The following LINGO2 variants were observed in gnomAD, a reference collection of about 807,000 sequenced individuals.
LINGO2 encodes leucine rich repeat and Ig domain containing 2.
Under a neutral mutation model 30.6 loss-of-function variants are expected in LINGO2, and 14 were observed. The observed-to-expected ratio is 0.46, with a 90% confidence interval of 0.30 to 0.72. The LOEUF (loss-of-function observed/expected upper bound fraction) is 0.72, where lower values mean the gene tolerates loss of function less well. Among genes scored for constraint, LINGO2 ranks in the 30% least tolerant of loss-of-function variants. The probability of loss-of-function intolerance (pLI) is 0.07; values close to 1 mark genes in which losing one functional copy is unlikely to be tolerated. For synonymous variants in LINGO2, 317 were observed against 288.5 expected (o/e 1.10, Z -1.00); for missense variants, 729 against 751.7 (o/e 0.97, Z 0.35).
At chr9:28,268,330 A>T (rs1391043557) in intron 4 of LINGO2, among the ~76,000 whole-genome samples, 1 of 152,046 alleles carries the variant, frequency 6.6e-6, no homozygotes, top group African/African-American at 2.4e-5. Flanking sequence ...CTGTGATGGT[A>T]TCTGAAGTAA....
intron 5 of LINGO2, among the ~76,000 whole-genome samples, chr9:27,978,256 G>C (rs1465012559): frequency 1.3e-5 from 2 of 152,036 alleles, no homozygotes; most frequent in Non-Finnish European, 2.9e-5. Context: ...GCAATTCAAT[G>C]CAACAGATGT....
At chr9:28,647,164 T>C (rs957958584) in intron 1 of LINGO2, among the ~76,000 whole-genome samples, 1 of 152,112 alleles carries the variant, frequency 6.6e-6, no homozygotes, top group Non-Finnish European at 1.5e-5. Flanking sequence ...CAATTCAGTC[T>C]TTTAATACCT....
At chr9:28,964,577 C>T in the LINGO2 span, among the ~76,000 whole-genome samples, 1 of 151,838 alleles carries the variant, frequency 6.6e-6, no homozygotes, top group Non-Finnish European at 1.5e-5. Context: ...CGACGAGTTA[C>T]AAACAAGGAG....
intron 1 of LINGO2, among the ~76,000 whole-genome samples, chr9:28,531,737 G>A (rs969065502): frequency 5.3e-5 from 8 of 151,842 alleles, no homozygotes; most frequent in African/African-American, 1.7e-4. Flanking sequence ...TAAACAACAC[G>A]GATTTTGCCA....
At chr9:28,538,793 G>A (rs902304427) in intron 1 of LINGO2, among the ~76,000 whole-genome samples, 7 of 152,088 alleles carry the variant, frequency 4.6e-5, no homozygotes, top group Admixed American at 2.6e-4. Context: ...AACACCTCCC[G>A]AAAGTCCCCA....
At chr9:28,197,350 G>A (rs1206949231) in intron 4 of LINGO2, among the ~76,000 whole-genome samples, 1 of 151,520 alleles carries the variant, frequency 6.6e-6, no homozygotes, top group Non-Finnish European at 1.5e-5. Context: ...ATGTTATAAG[G>A]CTAAAATATC....
the LINGO2 span, among the ~76,000 whole-genome samples, chr9:28,819,903 G>C: frequency 6.6e-6 from 1 of 152,068 alleles, no homozygotes; most frequent in Non-Finnish European, 1.5e-5. Context: ...AAGGGGAGGA[G>C]CATACATATA....
At chr9:28,447,267 G>A (rs1177575226) in intron 2 of LINGO2, among the ~76,000 whole-genome samples, 1 of 152,148 alleles carries the variant, frequency 6.6e-6, no homozygotes, top group Non-Finnish European at 1.5e-5. Flanking sequence ...ATTAAGAGGT[G>A]GAGGCTTTAG....
At chr9:28,724,829 C>A in the LINGO2 span, among the ~76,000 whole-genome samples, 1 of 151,972 alleles carries the variant, frequency 6.6e-6, no homozygotes, top group Non-Finnish European at 1.5e-5. Context: ...AGAAATATAA[C>A]CTTTGAAGAG....
At chr9:28,722,616 T>A in the LINGO2 span, among the ~76,000 whole-genome samples, 1 of 152,098 alleles carries the variant, frequency 6.6e-6, no homozygotes, top group Non-Finnish European at 1.5e-5. Flanking sequence ...ACATCAAAGT[T>A]GAATCATGGA....
chr9:28,655,645 T>G (rs1442211892), intron 1 of LINGO2, among the ~76,000 whole-genome samples: 2 of 152,010 alleles, frequency 1.3e-5, no homozygotes, highest in Non-Finnish European at 2.9e-5. Context: ...GATAATTGCA[T>G]CATGGGGGCA....
intron 4 of LINGO2, among the ~76,000 whole-genome samples, chr9:28,138,774 T>C (rs1827592952): frequency 6.6e-6 from 1 of 152,190 alleles, no homozygotes; most frequent in Non-Finnish European, 1.5e-5. Flanking sequence ...CATAGACTAA[T>C]GCATTCATGC....
chr9:28,768,820 T>A, the LINGO2 span, among the ~76,000 whole-genome samples: 5 of 152,152 alleles, frequency 3.3e-5, no homozygotes, highest in African/African-American at 1.2e-4. Context: ...TTGATTCCCA[T>A]AAGCACACAG....
At chr9:28,442,524 C>CT (rs1564201925) in intron 2 of LINGO2, among the ~76,000 whole-genome samples, 1 of 151,978 alleles carries the variant, frequency 6.6e-6, no homozygotes, top group Non-Finnish European at 1.5e-5. Context: ...GTTTTATAAA[C>CT]TTTTTTTGTT....
At chr9:29,159,651 G>C in the LINGO2 span, among the ~76,000 whole-genome samples, 1 of 152,102 alleles carries the variant, frequency 6.6e-6, no homozygotes, top group South Asian at 2.1e-4. Flanking sequence ...GAGGTCAGGA[G>C]TTCGAGACAA....
At chr9:28,007,174 G>A (rs1248293742) in intron 5 of LINGO2, among the ~76,000 whole-genome samples, 1 of 152,088 alleles carries the variant, frequency 6.6e-6, no homozygotes, top group African/African-American at 2.4e-5. Flanking sequence ...CAGTCATCTA[G>A]CCCAACTCCT....
At chr9:28,661,145 A>AAAATATATAT (rs1554652294) in intron 1 of LINGO2, among the ~76,000 whole-genome samples, 1 of 150,064 alleles carries the variant, frequency 6.7e-6, no homozygotes, top group African/African-American at 2.4e-5. Context: ...GATGCAGAAA[A>AAAATATATAT]ATATATATAT....
At chr9:27,973,391 G>A (rs1375609382) in intron 5 of LINGO2, among the ~76,000 whole-genome samples, 1 of 152,084 alleles carries the variant, frequency 6.6e-6, no homozygotes, top group Non-Finnish European at 1.5e-5. Context: ...ACAATTTCAG[G>A]TGATTCTCAT....
chr9:28,644,179 A>G (rs1036078538), intron 1 of LINGO2, among the ~76,000 whole-genome samples: 2 of 152,058 alleles, frequency 1.3e-5, no homozygotes, highest in African/African-American at 2.4e-5. Flanking sequence ...CAGCAATTCC[A>G]CTACTGGATA....
Sources: gnomAD v4.1 joint callset for allele counts (sites outside exome capture counted in the v4.1 genomes callset) on GRCh38, gnomAD v4.1.1 for gene constraint, MANE v1.5 for transcripts, NCBI Gene and HGNC (gene_info 2026-07-23, HGNC 2026-07-21) for gene names.